The following EXOSC7 variants were observed in gnomAD, a reference collection of about 807,000 sequenced individuals.
The protein encoded by EXOSC7 is exosome complex component RRP42.
A neutral mutation model predicts 34.3 loss-of-function variants in EXOSC7; 25 were observed. That is an observed-to-expected ratio of 0.73 (90% CI 0.53 to 1.02). The LOEUF (loss-of-function observed/expected upper bound fraction) is 1.02. Ranked by LOEUF, EXOSC7 falls within the 50% of genes least tolerant of loss-of-function variation. The probability of loss-of-function intolerance (pLI) is 0.00; values close to 1 mark genes in which losing one functional copy is unlikely to be tolerated. For synonymous variants in EXOSC7, 130 were observed against 143.0 expected (o/e 0.91, Z 0.65); for missense variants, 370 against 368.5 (o/e 1.00, Z -0.03).
intron 3 of EXOSC7, among the ~76,000 whole-genome samples, chr3:44,992,509 C>T (rs913917961): frequency 1.3e-5 from 2 of 152,134 alleles, no homozygotes; most frequent in Admixed American, 6.5e-5. Context: ...TTGGGAATGA[C>T]GAAAAATCTT....
intron 5 of EXOSC7, among the ~76,000 whole-genome samples, chr3:45,003,816 T>C (rs538876278): frequency 1.3e-5 from 2 of 152,224 alleles, no homozygotes; most frequent in Non-Finnish European, 2.9e-5. Flanking sequence ...ACTTTTGTAC[T>C]TGATATAAAT....
intron 3 of EXOSC7, among the ~76,000 whole-genome samples, chr3:44,989,929 T>A (rs1706525132): frequency 6.6e-6 from 1 of 152,180 alleles, no homozygotes; most frequent in South Asian, 2.1e-4. Flanking sequence ...GAGGGTCAAA[T>A]GAAATGATTG....
intron 1 of EXOSC7, among the ~76,000 whole-genome samples, chr3:44,983,725 A>T (rs1440615523): frequency 6.6e-6 from 1 of 152,194 alleles, no homozygotes; most frequent in Non-Finnish European, 1.5e-5. Flanking sequence ...GGTAACTCCT[A>T]TTTAAGTGTT....
intron 5 of EXOSC7, chr3:45,004,137 A>T (rs1706961996): frequency 6.6e-6 from 1 of 152,024 alleles, no homozygotes; most frequent in Non-Finnish European, 1.5e-5. Flanking sequence ...GTTCTGGGTT[A>T]TAGGGTATGG....
At chr3:45,006,383 G>A (rs1438535127) in intron 6 of EXOSC7, among the ~76,000 whole-genome samples, 2 of 138,682 alleles carry the variant, frequency 1.4e-5, no homozygotes, top group African/African-American at 5.3e-5. Flanking sequence ...TAGCCGGCTT[G>A]TTCTTTCTTG....
At chr3:45,005,833 C>T (rs1707021999) in intron 6 of EXOSC7, among the ~76,000 whole-genome samples, 1 of 152,058 alleles carries the variant, frequency 6.6e-6, no homozygotes, top group Admixed American at 6.6e-5. Flanking sequence ...GAGTGGTTTT[C>T]ACATAGAGGG....
chr3:44,985,437 G>A (rs1048627126), intron 1 of EXOSC7, among the ~76,000 whole-genome samples: 4 of 151,940 alleles, frequency 2.6e-5, no homozygotes, highest in East Asian at 1.9e-4. Context: ...TCCTTCTGAT[G>A]TTCAGATGTG....
chr3:45,005,719 T>C (rs552414116), intron 6 of EXOSC7, among the ~76,000 whole-genome samples: 1 of 152,304 alleles, frequency 6.6e-6, no homozygotes, highest in East Asian at 1.9e-4. Flanking sequence ...CCATGTCTTT[T>C]AATTACCTCA....
rs149465169 is a variant in EXOSC7 at position 44,976,366 on chromosome 3, C to G, written c.57+32C>G. The G allele has an allele frequency of 1.0e-3, 1,543 of 1,546,450 alleles. 48 individuals are homozygous for G. The East Asian group carries it at 0.04, about 40-fold the overall frequency. On this transcript the variant is annotated intron_variant, in intron 1 of 7. Coordinates refer to ENST00000265564, the MANE Select transcript of EXOSC7 (RefSeq NM_015004.4). Reference sequence around the variant, plus strand: ...ACAGCAGCGGCGTTGGGTCGGCCGCCGGGTTCAGCCTGGCCCTGCGGGTCG... The same window carrying G: ...ACAGCAGCGGCGTTGGGTCGGCCGCGGGGTTCAGCCTGGCCCTGCGGGTCG...
At chr3:45,012,429 A>G (rs1173243882), downstream of EXOSC7, 1 of 152,266 alleles carries the variant, frequency 6.6e-6, no homozygotes, top group African/African-American at 2.4e-5. Context: ...GCAGCTGCCT[A>G]GACTTGGGCT....
chr3:45,005,271 A>C lies in EXOSC7; in HGVS notation c.492-20A>C. ...TTTTCCTCCTCCAAGTGGGAATTTTACTAGTGCTTCTGCTTCCAGGATACC... is the reference window on the plus strand; with the variant it reads ...TTTTCCTCCTCCAAGTGGGAATTTTCCTAGTGCTTCTGCTTCCAGGATACC... On this transcript the variant is annotated intron_variant, in intron 5 of 7. Transcript: ENST00000265564. 1 of 1,613,644 alleles carries C rather than the reference A, an allele frequency of 6.2e-7. No individual in the cohort carries two copies. Among genetic ancestry groups the C allele is most frequent in the Non-Finnish European group, 8.5e-7 (1 of 1,179,710 alleles).
intron 1 of EXOSC7, among the ~76,000 whole-genome samples, chr3:44,980,130 A>G (rs779371800): frequency 6.6e-6 from 1 of 151,948 alleles, no homozygotes; most frequent in Non-Finnish European, 1.5e-5. Context: ...TGCAGGCACT[A>G]TCAGAAATGT....
intron 3 of EXOSC7, among the ~76,000 whole-genome samples, chr3:44,990,405 C>T (rs1298819155): frequency 3.3e-5 from 5 of 152,056 alleles, no homozygotes; most frequent in African/African-American, 4.8e-5. Flanking sequence ...TTCTAGGGGT[C>T]GGGGCTTTTT....
chr3:44,982,928 TG>T (rs1352331992), intron 1 of EXOSC7, among the ~76,000 whole-genome samples: 2 of 152,258 alleles, frequency 1.3e-5, no homozygotes, highest in Non-Finnish European at 2.9e-5. Context: ...CCTGCAAAGC[TG>T]GACCAAATGT....
At chr3:45,000,001 T>TA (rs149952568) in intron 4 of EXOSC7, among the ~76,000 whole-genome samples, 15,737 of 152,286 alleles carry the variant, frequency 0.1, 851 homozygotes, top group Middle Eastern at 0.18. Flanking sequence ...TTTTCATACT[T>TA]ACTTACTTCA....
chr3:44,984,398 C>A (rs1422223560), intron 1 of EXOSC7, among the ~76,000 whole-genome samples: 1 of 151,926 alleles, frequency 6.6e-6, no homozygotes, highest in Non-Finnish European at 1.5e-5. Flanking sequence ...ATTGCTTGAG[C>A]CTAGGAGTTT....
chr3:44,994,280 T>G (rs1706656745), intron 3 of EXOSC7, among the ~76,000 whole-genome samples: 1 of 150,970 alleles, frequency 6.6e-6, no homozygotes, highest in South Asian at 2.1e-4. Context: ...TCTCCCTTCT[T>G]GTAAAATGAG....
chr3:44,986,987 A>G (rs895433631), intron 1 of EXOSC7, among the ~76,000 whole-genome samples: 2 of 151,996 alleles, frequency 1.3e-5, no homozygotes, highest in African/African-American at 4.8e-5. Context: ...TAAGCTAATG[A>G]TTCTTTTTCT....
At chr3:44,991,841 T>G (rs1706582081) in intron 3 of EXOSC7, among the ~76,000 whole-genome samples, 1 of 152,170 alleles carries the variant, frequency 6.6e-6, no homozygotes, top group Non-Finnish European at 1.5e-5. Context: ...CTCCAGTATC[T>G]AGGTAGTTCT....
Sources: gnomAD v4.1 joint callset for allele counts (sites outside exome capture counted in the v4.1 genomes callset) on GRCh38, gnomAD v4.1.1 for gene constraint, MANE v1.5 for transcripts, NCBI Gene and HGNC (gene_info 2026-07-23, HGNC 2026-07-21) for gene names.